The following LIPC variants were observed in gnomAD, a reference collection of about 807,000 sequenced individuals.
LIPC encodes the protein hepatic triacylglycerol lipase.
LIPC carries 44 observed loss-of-function variants against 50.7 expected under a neutral mutation model. That is an observed-to-expected ratio of 0.87 (90% CI 0.68 to 1.11). LIPC has a LOEUF of 1.11. LIPC is among the 50% of genes most tolerant of loss of function. LIPC has a pLI of 0.00. For missense variants in LIPC, 697 were observed against 648.2 expected (o/e 1.08, Z -0.82); for synonymous variants, 271 against 256.4 (o/e 1.06, Z -0.54).
intron 1 of LIPC, among the ~76,000 whole-genome samples, chr15:58,502,500 T>C (rs1412669481): frequency 8.9e-6 from 1 of 112,844 alleles, no homozygotes; most frequent in Non-Finnish European, 1.7e-5. Flanking sequence ...GAATTCCATG[T>C]AATTTTCTCT....
In LIPC at chr15:58,563,736, T is replaced by G. The variant is rs374479609; in HGVS notation, c.1388+13T>G. ...AAACCCAGCAAAGGTGACTGCTGAT[T>G]CAATCTCCTATTAACGTCCATTAAG... On this transcript the variant is annotated intron_variant, in intron 8 of 8. Coordinates refer to ENST00000299022, the MANE Select transcript of LIPC (RefSeq NM_000236.3). 1.3e-4 allele frequency: 206 copies of G among 1,607,356 alleles called. No individual in the cohort carries two copies. The Middle Eastern group carries it at 1.5e-3, about 12-fold the overall frequency.
chr15:58,550,824 A>C (rs200217513), intron 6 of LIPC, among the ~76,000 whole-genome samples: 50 of 60,766 alleles, frequency 8.2e-4, no homozygotes, highest in East Asian at 1.5e-3. Context: ...TTTCTTTCTT[A>C]CTTTTTTTTT....
At chr15:58,553,512 G>A (rs890009320) in intron 6 of LIPC, among the ~76,000 whole-genome samples, 6 of 152,222 alleles carry the variant, frequency 3.9e-5, no homozygotes, top group African/African-American at 1.4e-4. Flanking sequence ...AGGGTTGCTT[G>A]AGCCTAGAAG....
chr15:58,563,850 A>G, intron 8 of LIPC, 127 bp downstream of exon 8: 1 of 821,470 alleles, frequency 1.2e-6, no homozygotes. Flanking sequence ...TGGAGTACAG[A>G]AGCTCAGAAA....
intron 1 of LIPC, among the ~76,000 whole-genome samples, chr15:58,433,064 A>G (rs1893177951): frequency 6.6e-6 from 1 of 152,246 alleles, no homozygotes; most frequent in Admixed American, 6.5e-5. Flanking sequence ...ACTGAGTAGC[A>G]GTATTAATTA....
In LIPC at chr15:58,436,173, G is replaced by A. The variant is rs117489790; in HGVS notation, c.88+4053G>A. The A allele has an allele frequency of 3.2e-3, 493 of 153,504 alleles. 5 individuals are homozygous for A. Among genetic ancestry groups the A allele is most frequent in the East Asian group, 0.012 (65 of 5,216 alleles). 9.5% of individuals were successfully genotyped at this position (153,504 alleles called of 1,614,324 possible). A position where few individuals can be genotyped will look rare whatever the true frequency, so the allele number is the denominator to read the frequency against. On this transcript the variant is annotated intron_variant, in intron 1 of 8. Coordinates refer to ENST00000299022, the MANE Select transcript of LIPC (RefSeq NM_000236.3). Reference sequence around the variant, plus strand: ...GTGTTCTTGTTGCAAGAGTAAGTGTGCGATGGTTCAGATCCTTTGACGTCC... The same window carrying A: ...GTGTTCTTGTTGCAAGAGTAAGTGTACGATGGTTCAGATCCTTTGACGTCC...
At chr15:58,541,737 G>T (rs1336480583) in intron 2 of LIPC, 48 bp from the exon 3 acceptor site, 1 of 1,571,174 alleles carries the variant, frequency 6.4e-7, no homozygotes, top group Non-Finnish European at 8.7e-7. Context: ...AGAAGGGTGA[G>T]CGGGGAGAAA....
At chr15:58,471,596 G>A (rs1595877663) in intron 1 of LIPC, among the ~76,000 whole-genome samples, 1 of 152,202 alleles carries the variant, frequency 6.6e-6, no homozygotes, top group Non-Finnish European at 1.5e-5. Context: ...GCAGCAAGAG[G>A]CAGTCTGAGT....
At chr15:58,458,413 A>G (rs1387729121) in intron 1 of LIPC, among the ~76,000 whole-genome samples, 3 of 152,324 alleles carry the variant, frequency 2.0e-5, no homozygotes, top group African/African-American at 7.2e-5. Context: ...GGTTTTTCTT[A>G]AACAGGATTT....
chr15:58,521,667 G>C (rs1042058193), intron 1 of LIPC: 1 of 152,558 alleles, frequency 6.6e-6, no homozygotes. Flanking sequence ...GATAGTAGGA[G>C]GGGAAGAAAG....
At chr15:58,448,112 G>A (rs1378378296) in intron 1 of LIPC, among the ~76,000 whole-genome samples, 1 of 152,142 alleles carries the variant, frequency 6.6e-6, no homozygotes, top group East Asian at 1.9e-4. Context: ...TCCTAACATG[G>A]TATCAAATAC....
rs183380700 is a variant in LIPC at position 58,465,861 on chromosome 15, G to A, written c.88+33741G>A. On this transcript the variant is annotated intron_variant, in intron 1 of 8. Transcript: ENST00000299022. ...GTTGTCAAGGAAGGAATAGGTACGTGGGAAACTAGGGAGACAATCATAGCC... is the reference window on the plus strand; with the variant it reads ...GTTGTCAAGGAAGGAATAGGTACGTAGGAAACTAGGGAGACAATCATAGCC... Among the ~76,000 whole-genome samples the A allele has an allele frequency of 2.9e-4, 44 of 152,240 alleles. No homozygotes were observed. The Middle Eastern group carries it at 0.01, about 36-fold the overall frequency.
At chr15:58,548,684 G>C in intron 6 of LIPC, 112 bp downstream of exon 6, 1 of 1,382,656 alleles carries the variant, frequency 7.2e-7, no homozygotes, top group Non-Finnish European at 9.9e-7. Flanking sequence ...TGCTGTTGCG[G>C]TGTTTCTGAA....
intron 1 of LIPC, among the ~76,000 whole-genome samples, chr15:58,443,175 G>A (rs560489486): frequency 6.6e-6 from 1 of 152,280 alleles, no homozygotes; most frequent in African/African-American, 2.4e-5. Context: ...GCCTCCCAAA[G>A]TGCTGGGATT....
chr15:58,476,924 C>A (rs371517480), intron 1 of LIPC, among the ~76,000 whole-genome samples: 2 of 152,224 alleles, frequency 1.3e-5, no homozygotes, highest in East Asian at 1.9e-4. Context: ...ACCCAGGGCA[C>A]GTCCTGCTCT....
At chr15:58,473,211 T>C (rs1219228122) in intron 1 of LIPC, among the ~76,000 whole-genome samples, 1 of 151,886 alleles carries the variant, frequency 6.6e-6, no homozygotes, top group Non-Finnish European at 1.5e-5. Flanking sequence ...GCTGCCAGGG[T>C]GGGTTTTATG....
At chr15:58,465,966 C>T (rs1393827171) in intron 1 of LIPC, among the ~76,000 whole-genome samples, 1 of 152,174 alleles carries the variant, frequency 6.6e-6, no homozygotes, top group Non-Finnish European at 1.5e-5. Flanking sequence ...CTCTGAAGTT[C>T]TATCAAGCCC....
At chr15:58,528,750 C>T (rs995287835) in intron 1 of LIPC, among the ~76,000 whole-genome samples, 1 of 152,234 alleles carries the variant, frequency 6.6e-6, no homozygotes, top group Non-Finnish European at 1.5e-5. Flanking sequence ...TTTCTTCCAT[C>T]CACGGGTCCA....
intron 6 of LIPC, among the ~76,000 whole-genome samples, chr15:58,554,573 A>G (rs1893868087): frequency 6.6e-6 from 1 of 151,534 alleles, no homozygotes; most frequent in Non-Finnish European, 1.5e-5. Flanking sequence ...TTTTTTAAAG[A>G]AAAACACTTA....
Sources: allele counts gnomAD v4.1 joint callset (sites outside exome capture counted in the v4.1 genomes callset), GRCh38; gene constraint gnomAD v4.1.1; transcripts MANE v1.5; gene names NCBI Gene and HGNC (gene_info 2026-07-23, HGNC 2026-07-21).